SLC10A7: variants seen among roughly 807,000 people sequenced by gnomAD.
SLC10A7 encodes the protein solute carrier family 10 member 7.
In SLC10A7, 29 loss-of-function variants were observed where a neutral mutation model predicts 43.2. The observed-to-expected ratio is 0.67, with a 90% CI of 0.50 to 0.92. SLC10A7 has a LOEUF of 0.92. SLC10A7 is among the 40% of genes least tolerant of loss of function. The pLI is 0.00. For synonymous variants in SLC10A7, 152 were observed against 144.8 expected, an observed-to-expected ratio of 1.05 and a Z score of -0.35; for missense variants, 295 against 403.2, an observed-to-expected ratio of 0.73 and a Z score of 2.30.
At chr4:146,296,053 G>C (rs1409769835) in intron 7 of SLC10A7, among the ~76,000 whole-genome samples, 1 of 152,110 alleles carries the variant, frequency 6.6e-6, no homozygotes, top group Non-Finnish European at 1.5e-5. Context: ...AAGCAATACA[G>C]ATGTCCCTTG....
intron 10 of SLC10A7, among the ~76,000 whole-genome samples, chr4:146,270,715 C>T (rs1443002325): frequency 1.3e-5 from 2 of 152,150 alleles, no homozygotes; most frequent in Non-Finnish European, 2.9e-5. Flanking sequence ...TGCACCAGCT[C>T]TGCTATCTAT....
Position 146,378,899 on chromosome 4 carries a change from A to AAAGCAGATAATCTGCT in SLC10A7, c.436-52919_436-52904dup, listed in dbSNP as rs369524109. Among the ~76,000 whole-genome samples the AAAGCAGATAATCTGCT allele has an allele frequency of 9.8e-3, 1,491 of 152,194 alleles. 20 individuals are homozygous for AAAGCAGATAATCTGCT. Among genetic ancestry groups the AAAGCAGATAATCTGCT allele is most frequent in the African/African-American group, 0.034 (1,391 of 41,504 alleles). ...GATGATAGAAGATCAGATAATCTGCAAAGCAGATAATCTGCTTCTCACAAT... is the reference window on the plus strand; with the variant it reads ...GATGATAGAAGATCAGATAATCTGCAAAGCAGATAATCTGCTAAGCAGATAATCTGCTTCTCACAAT... On this transcript the variant is annotated intron_variant, in intron 5 of 11. Transcript: ENST00000335472.
chr4:146,334,328 T>C (rs2149717505), intron 5 of SLC10A7, among the ~76,000 whole-genome samples: 1 of 152,188 alleles, frequency 6.6e-6, no homozygotes, highest in South Asian at 2.1e-4. Context: ...TTAAGAAATG[T>C]AGACTATAGA....
chr4:146,316,093 A>G (rs1189271187), intron 6 of SLC10A7, among the ~76,000 whole-genome samples: 2 of 152,118 alleles, frequency 1.3e-5, no homozygotes, highest in Non-Finnish European at 2.9e-5. Context: ...TTAATATGAA[A>G]TTCCAAGTAA....
chr4:146,364,115 A>G (rs990412679), intron 5 of SLC10A7, among the ~76,000 whole-genome samples: 17 of 134,536 alleles, frequency 1.3e-4, no homozygotes, highest in African/African-American at 4.6e-4. Flanking sequence ...CTAAACTAAG[A>G]AAAAAAGAGA....
intron 5 of SLC10A7, among the ~76,000 whole-genome samples, chr4:146,417,537 T>C (rs1296659625): frequency 6.6e-6 from 1 of 152,206 alleles, no homozygotes; most frequent in Admixed American, 6.5e-5. Context: ...CACACGCTCA[T>C]GTAAAAACAA....
intron 4 of SLC10A7, among the ~76,000 whole-genome samples, chr4:146,503,156 A>T (rs1034526220): frequency 2.0e-5 from 3 of 152,228 alleles, no homozygotes; most frequent in African/African-American, 7.2e-5. Context: ...AATGAACTGA[A>T]GTGGAAACCC....
chr4:146,501,161 A>G (rs1206866020), intron 4 of SLC10A7, among the ~76,000 whole-genome samples: 2 of 152,126 alleles, frequency 1.3e-5, no homozygotes, highest in Non-Finnish European at 2.9e-5. Context: ...TCTCTCCCCA[A>G]ATAATCTCAT....
chr4:146,270,950 C>T (rs1234111777), intron 10 of SLC10A7, among the ~76,000 whole-genome samples: 1 of 152,212 alleles, frequency 6.6e-6, no homozygotes, highest in Non-Finnish European at 1.5e-5. Context: ...ATTTAATGTT[C>T]ACTTCAACCT....
intron 4 of SLC10A7, among the ~76,000 whole-genome samples, chr4:146,445,378 A>C (rs1275445021): frequency 6.6e-6 from 1 of 152,166 alleles, no homozygotes; most frequent in Non-Finnish European, 1.5e-5. Flanking sequence ...GGGAACGCGC[A>C]CAAAGGAACA....
In SLC10A7 at chr4:146,364,603, G is replaced by A. The variant is rs1736269130; in HGVS notation, c.436-38607C>T. Among the ~76,000 whole-genome samples, 3 of 152,128 alleles carry A rather than the reference G, an allele frequency of 2.0e-5. No homozygotes were observed. In the South Asian group the frequency reaches 6.2e-4, roughly 32 times the overall value. ...ATTGAATTCATGGAGATAGCAGAGT[G>A]ATGGTTCCCAGAGGCAGGAAAAGCA... is the stretch of plus-strand genomic sequence containing the variant. On this transcript the variant is annotated intron_variant, in intron 5 of 11. Coordinates refer to ENST00000335472, the MANE Select transcript of SLC10A7 (RefSeq NM_001029998.6).
In SLC10A7 at chr4:146,442,080, A is replaced by T. The variant is rs564858715; in HGVS notation, c.435+703T>A. On this transcript the variant is annotated intron_variant, in intron 5 of 11. Coordinates refer to ENST00000335472, the MANE Select transcript of SLC10A7 (RefSeq NM_001029998.6). ...CAGGAATTTAACAAAGTTTTAAGGC[A>T]CAAAAAAATTAAATCAACAGAAAAT... 67 of 978,412 alleles carry T rather than the reference A, an allele frequency of 6.8e-5. 1 individual carries two copies. The East Asian group carries it at 5.9e-3, about 86-fold the overall frequency. The allele number at this position is 978,412 out of a possible 1,614,324, so 60.6% of individuals were successfully genotyped here.
Position 146,509,896 on chromosome 4 carries a change from T to C in SLC10A7, c.320+17A>G. On this transcript the variant is annotated intron_variant, in intron 3 of 11. Transcript: ENST00000335472. ...GCCCCATTAAAAGTGGACCCACTTT[T>C]AAAGATTTAAACATACCCTTTTAAA... The C allele has an allele frequency of 3.7e-6, 6 of 1,604,454 alleles. 1 individual carries two copies. The South Asian group carries it at 5.6e-5, about 15-fold the overall frequency.
At chr4:146,330,781 G>A (rs990467099) in intron 5 of SLC10A7, among the ~76,000 whole-genome samples, 3 of 152,162 alleles carry the variant, frequency 2.0e-5, no homozygotes. Flanking sequence ...GAACTGTGAT[G>A]GCTGTGCCTT....
chr4:146,283,215 G>A lies in SLC10A7; in HGVS notation c.824C>T (p.Ser275Phe). ...ACCCAATGTAAGGGATTTGTGTGTA[G>A]AACAGAAAATGATAGCCACTGTGTC... ...PADTVAIIFC[S>F]THKSLTLGIP... is the part of the protein sequence containing the mutation. The change falls in exon 10 of 12, where the codon TCT (serine) becomes TTT (phenylalanine). Residue 275 changes from serine (S) to phenylalanine (F), a missense_variant. Physicochemically the swap from Ser to Phe is radical, Grantham distance 155. Coordinates refer to ENST00000335472, the MANE Select transcript of SLC10A7 (RefSeq NM_001029998.6). 6.2e-7 allele frequency: 1 copy of A among 1,613,302 alleles called. No individual in the cohort carries two copies. Among genetic ancestry groups the A allele is most frequent in the Non-Finnish European group, 8.5e-7 (1 of 1,179,486 alleles).
At chr4:146,375,906 C>T (rs1737163201) in intron 5 of SLC10A7, among the ~76,000 whole-genome samples, 2 of 152,192 alleles carry the variant, frequency 1.3e-5, no homozygotes, top group African/African-American at 4.8e-5. Flanking sequence ...ATGCTAATCA[C>T]AAGTCCTAGC....
intron 4 of SLC10A7, among the ~76,000 whole-genome samples, chr4:146,482,431 TAATC>T (rs1220338570): frequency 2.0e-5 from 3 of 151,892 alleles, no homozygotes; most frequent in Non-Finnish European, 4.4e-5. Context: ...TCATAAAAAA[TAATC>T]AAACAGAAAT....
intron 5 of SLC10A7, among the ~76,000 whole-genome samples, chr4:146,367,210 T>G (rs960949594): frequency 6.6e-6 from 1 of 152,146 alleles, no homozygotes; most frequent in Non-Finnish European, 1.5e-5. Flanking sequence ...ATGTTAAAAT[T>G]GTAACTAAAA....
rs557309644 is a variant in SLC10A7 at position 146,442,531 on chromosome 4, T to C, written c.435+252A>G. On this transcript the variant is annotated intron_variant, in intron 5 of 11. Coordinates refer to ENST00000335472, the MANE Select transcript of SLC10A7 (RefSeq NM_001029998.6). The stretch of plus-strand genomic sequence containing the variant: ...GACATAACCTCTATAAGGAGACACA[T>C]AGTGTTTTAATTGATTCCTTGAATT... 2.5e-5 allele frequency: 33 copies of C among 1,319,008 alleles called. No homozygotes were observed. In the African/African-American group the frequency reaches 4.2e-4, roughly 17 times the overall value. The allele number at this position is 1,319,008 out of a possible 1,614,324, so 81.7% of individuals were successfully genotyped here.
Sources: allele counts gnomAD v4.1 joint callset (sites outside exome capture counted in the v4.1 genomes callset), GRCh38; gene constraint gnomAD v4.1.1; transcripts MANE v1.5; gene names NCBI Gene and HGNC (gene_info 2026-07-23, HGNC 2026-07-21).